TSACC: variants seen among roughly 807,000 people sequenced by gnomAD.
TSACC encodes the protein TSSK6-activating co-chaperone protein.
Under a neutral mutation model 6.9 loss-of-function variants are expected in TSACC, and 3 were observed. The ratio of observed to expected loss-of-function variants is 0.43; its 90% CI spans 0.20 to 1.12. TSACC has a LOEUF of 1.12. TSACC is among the 50% of genes most tolerant of loss of function. The pLI is 0.28. For missense variants in TSACC, 137 were observed against 143.9 expected, an observed-to-expected ratio of 0.95 and a Z score of 0.24; for synonymous variants, 54 against 55.1, an observed-to-expected ratio of 0.98 and a Z score of 0.09.
At chr1:156,340,648 A>G (rs532724976) in intron 2 of TSACC, among the ~76,000 whole-genome samples, 2 of 150,788 alleles carry the variant, frequency 1.3e-5, no homozygotes, top group South Asian at 2.1e-4. Flanking sequence ...TTTAGTAGAG[A>G]TGGGGTTTCG....
intron 2 of TSACC, among the ~76,000 whole-genome samples, chr1:156,340,357 C>G (rs950709489): frequency 1.3e-5 from 2 of 151,996 alleles, no homozygotes; most frequent in Admixed American, 1.3e-4. Flanking sequence ...GACGGGGTTT[C>G]ACCGTGTCAG....
At chr1:156,342,018 C>A (rs1665918003) in intron 2 of TSACC, among the ~76,000 whole-genome samples, 1 of 146,944 alleles carries the variant, frequency 6.8e-6, no homozygotes, top group Non-Finnish European at 1.5e-5. Flanking sequence ...GCCGAGATGG[C>A]ACCACTGCAC....
chr1:156,338,062 G>T (rs973688451), upstream of TSACC: 32 of 1,381,020 alleles, frequency 2.3e-5, no homozygotes, highest in East Asian at 2.5e-5. Context: ...TCAGTGGCCC[G>T]GTCAGTGGGG....
chr1:156,339,720 A>G lies in TSACC; in HGVS notation c.-38A>G, dbSNP rs774394122. ...CATGGATTGTTGATCATCTGATGCT[A>G]TGATTCTTTCCCAGGCACCACACCT... On this transcript the variant is annotated 5_prime_UTR_variant, in exon 2 of 4. It removes an upstream start codon present in the reference 5' UTR. Coordinates refer to ENST00000368254, the MANE Select transcript of TSACC (RefSeq NM_001304817.2). 8.1e-6 allele frequency: 13 copies of G among 1,613,232 alleles called. No individual in the cohort carries two copies. The highest frequency in any genetic ancestry group is 1.7e-5 in the Admixed American group (1 of 59,900).
Position 156,346,815 on chromosome 1 carries a change from G to A in TSACC, c.211G>A (p.Ala71Thr). Residue 71 changes from alanine (A) to threonine (T), a missense_variant, in exon 4 of 4, where the codon GCA (alanine) becomes ACA (threonine). Physicochemically the swap from Ala to Thr is moderately conservative, Grantham distance 58 (BLOSUM62 0). Transcript: ENST00000368254. ...ECLGLLECMY[A>T]NLQLQTQLAQ... ...CCTAGGACTCCTGGAATGTATGTAT[G>A]CAAACCTCCAGCTTCAGACCCAGCT... The A allele has an allele frequency of 6.2e-7, 1 of 1,614,134 alleles. No individual in the cohort carries two copies. The highest frequency in any genetic ancestry group is 8.5e-7 in the Non-Finnish European group (1 of 1,180,026).
chr1:156,337,823 C>T (rs1199770502), upstream of TSACC: 1 of 389,420 alleles, frequency 2.6e-6, no homozygotes, highest in Non-Finnish European at 4.6e-6. Flanking sequence ...GTTATTCGTG[C>T]AGCTACATAG....
chr1:156,338,054 A>G (rs1665527278), upstream of TSACC: 1 of 1,295,530 alleles, frequency 7.7e-7, no homozygotes, highest in African/African-American at 1.5e-5. Context: ...TGGAAGGCTC[A>G]GTGGCCCGGT....
In TSACC at chr1:156,344,629, C is replaced by T. The variant is rs745890672; in HGVS notation, c.84C>T (p.Pro28=). ...CTGTGCCTCTCTGTAGAGCAAAACC[C>T]TCCCCCAGCTATATTAATCTTCAAG... is the stretch of plus-strand genomic sequence containing the variant. The part of the protein sequence containing the change: ...ANAVPLCRAK[P]SPSYINLQAS... The change falls in exon 3 of 4, where the codon CCC becomes CCT. Residue 28 remains proline, a synonymous_variant. Transcript: ENST00000368254. The T allele has an allele frequency of 6.2e-7, 1 of 1,614,046 alleles. No homozygotes were observed. Among genetic ancestry groups the T allele is most frequent in the Non-Finnish European group, 8.5e-7 (1 of 1,179,994 alleles).
chr1:156,340,947 A>T (rs1411015176), intron 2 of TSACC, among the ~76,000 whole-genome samples: 1 of 152,014 alleles, frequency 6.6e-6, no homozygotes. Context: ...CTTGTGCCTC[A>T]GCCACCCAAG....
chr1:156,346,616 TGG>T, intron 3 of TSACC, 150 bp from the exon 4 acceptor site: 1 of 702,152 alleles, frequency 1.4e-6, no homozygotes. Flanking sequence ...TATGCCTCAC[TGG>T]GAGGTGACAG....
chr1:156,341,865 C>A, intron 2 of TSACC, among the ~76,000 whole-genome samples: 1 of 151,932 alleles, frequency 6.6e-6, no homozygotes, highest in East Asian at 1.9e-4. Context: ...AGATCGAGAC[C>A]ATCCTGACTA....
intron 2 of TSACC, among the ~76,000 whole-genome samples, chr1:156,340,055 T>C (rs911236519): frequency 1.3e-5 from 2 of 152,256 alleles, no homozygotes; most frequent in African/African-American, 2.4e-5. Flanking sequence ...GACAGCCCCA[T>C]TGGTGGGCCA....
At chr1:156,338,383 C>CAATA (rs1300210255), upstream of TSACC, 3 of 589,516 alleles carry the variant, frequency 5.1e-6, no homozygotes, top group Non-Finnish European at 9.1e-6. Flanking sequence ...GCCTTAGTCC[C>CAATA]GCCCCCTACG....
chr1:156,343,527 A>C (rs1266735030), intron 2 of TSACC, among the ~76,000 whole-genome samples: 1 of 152,126 alleles, frequency 6.6e-6, no homozygotes, highest in Non-Finnish European at 1.5e-5. Flanking sequence ...GAAGAAAGTA[A>C]ATTTCTTAGA....
upstream of TSACC, chr1:156,338,097 A>C: frequency 6.4e-7 from 1 of 1,555,452 alleles, no homozygotes; most frequent in Non-Finnish European, 8.7e-7. Context: ...AACACTGAAA[A>C]GTATGGACAG....
intron 3 of TSACC, among the ~76,000 whole-genome samples, chr1:156,345,425 T>C (rs1331769556): frequency 6.6e-6 from 1 of 151,190 alleles, no homozygotes; most frequent in Non-Finnish European, 1.5e-5. Context: ...AAGCTGGGCG[T>C]GGTGGCAGGT....
rs765190919 is a variant in TSACC at position 156,346,913 on chromosome 1, C to G, written c.309C>G (p.Ser103Arg). Residue 103 changes from serine to arginine, a missense_variant, in exon 4 of 4, where the codon AGC becomes AGG. By Grantham distance (110) the Ser-to-Arg change is moderately radical. Coordinates refer to ENST00000368254, the MANE Select transcript of TSACC (RefSeq NM_001304817.2). ...SVTQLAPGRG[S>R]NNSSLPALSP... ...CACAACTGGCTCCTGGGAGGGGAAG[C>G]AATAACTCTTCTCTCCCAGCCTTAT... is the stretch of plus-strand genomic sequence containing the variant. The G allele has an allele frequency of 2.2e-5, 36 of 1,614,074 alleles. No homozygotes were observed. The highest frequency in any genetic ancestry group is 2.7e-5 in the African/African-American group (2 of 74,926).
intron 3 of TSACC, among the ~76,000 whole-genome samples, chr1:156,345,821 T>G (rs1187627935): frequency 6.7e-6 from 1 of 148,988 alleles, no homozygotes; most frequent in Non-Finnish European, 1.5e-5. Flanking sequence ...GAGCCAGGAT[T>G]GTGCCGCTGC....
intron 1 of TSACC, 53 bp from the exon 2 acceptor site, chr1:156,339,581 G>C (rs2296375): frequency 0.26 from 174,309 of 682,804 alleles, 23,781 homozygotes; most frequent in Non-Finnish European, 0.28. Flanking sequence ...AACAGTTCAA[G>C]AACAGTCACC....
Sources: gnomAD v4.1 joint callset for allele counts (sites outside exome capture counted in the v4.1 genomes callset) on GRCh38, gnomAD v4.1.1 for gene constraint, MANE v1.5 for transcripts, NCBI Gene and HGNC (gene_info 2026-07-23, HGNC 2026-07-21) for gene names.